The following IQCM variants were observed in gnomAD, a reference collection of about 807,000 sequenced individuals.
The protein encoded by IQCM is IQ motif containing M, also known as IQ domain-containing protein M.
A neutral mutation model predicts 57.6 loss-of-function variants in IQCM; 45 were observed. That is an observed-to-expected ratio of 0.78 (90% confidence interval 0.62 to 1.00). The LOEUF is 1.00. Ranked by LOEUF, IQCM falls within the 50% of genes least tolerant of loss-of-function variation. The pLI, the probability that IQCM is intolerant of heterozygous loss-of-function variation, is 0.00. For missense variants in IQCM, 468 were observed against 511.6 expected, an observed-to-expected ratio of 0.91 and a Z score of 0.82; for synonymous variants, 148 against 158.9, an observed-to-expected ratio of 0.93 and a Z score of 0.51.
intron 9 of IQCM, among the ~76,000 whole-genome samples, chr4:149,566,522 G>C (rs1354377647): frequency 6.6e-6 from 1 of 152,052 alleles, no homozygotes; most frequent in African/African-American, 2.4e-5. Flanking sequence ...GTACGAGAGA[G>C]AGAGAGAGAG....
chr4:149,506,278 C>T (rs1275731649), intron 12 of IQCM, among the ~76,000 whole-genome samples: 1 of 152,178 alleles, frequency 6.6e-6, no homozygotes, highest in East Asian at 1.9e-4. Context: ...ACTCATTAGC[C>T]TAACTAGTCC....
At chr4:149,557,074 C>G (rs531771027) in intron 10 of IQCM, among the ~76,000 whole-genome samples, 1 of 152,126 alleles carries the variant, frequency 6.6e-6, no homozygotes, top group Admixed American at 6.5e-5. Flanking sequence ...AATAGCAGCT[C>G]CTGATTGCCA....
intron 2 of IQCM, among the ~76,000 whole-genome samples, chr4:149,794,672 G>C (rs1035341610): frequency 6.6e-6 from 1 of 152,024 alleles, no homozygotes; most frequent in Non-Finnish European, 1.5e-5. Context: ...TTGTGGTGGT[G>C]GAGTGATTAG....
At chr4:149,609,032 T>A (rs1390120048) in intron 8 of IQCM, among the ~76,000 whole-genome samples, 2 of 150,906 alleles carry the variant, frequency 1.3e-5, no homozygotes, top group Non-Finnish European at 3.0e-5. Flanking sequence ...AAGACCCAAA[T>A]AAATAAAATG....
Position 149,368,793 on chromosome 4 carries a change from T to C in IQCM, c.1391-16727A>G, listed in dbSNP as rs371638334. Among the ~76,000 whole-genome samples, 2 of 109,626 alleles carry C rather than the reference T, an allele frequency of 1.8e-5. 1 individual carries two copies. Among genetic ancestry groups the C allele is most frequent in the East Asian group, 4.9e-4 (2 of 4,058 alleles). The allele number at this position is 109,626 out of a possible 152,430, so 71.9% of individuals were successfully genotyped here. On this transcript the variant is annotated intron_variant, in intron 13 of 13. Coordinates refer to ENST00000636793, the MANE Select transcript of IQCM (RefSeq NM_001363507.2). ...ATACATATATATACATGTATATATA[T>C]ACATATATATACATGTATATATATA...
chr4:149,788,804 C>T (rs904286277), intron 2 of IQCM, among the ~76,000 whole-genome samples: 4 of 152,130 alleles, frequency 2.6e-5, no homozygotes, highest in Non-Finnish European at 4.4e-5. Flanking sequence ...CAGCAGAATA[C>T]TATTCACCTT....
At chr4:149,514,259 C>G (rs779201093) in intron 12 of IQCM, among the ~76,000 whole-genome samples, 1 of 152,126 alleles carries the variant, frequency 6.6e-6, no homozygotes, top group Non-Finnish European at 1.5e-5. Flanking sequence ...TTCTTAATCA[C>G]GTGAAAATTT....
At chr4:149,442,955 G>C (rs7689209) in intron 12 of IQCM, among the ~76,000 whole-genome samples, 1,043 of 11,638 alleles carry the variant, frequency 0.09, 3 homozygotes, top group Non-Finnish European at 0.12. Context: ...CACACACACA[G>C]AGAGAGAGAG....
chr4:149,659,277 G>T (rs1759940117), intron 7 of IQCM, among the ~76,000 whole-genome samples: 1 of 151,936 alleles, frequency 6.6e-6, no homozygotes, highest in South Asian at 2.1e-4. Context: ...AACTTACAAG[G>T]GACGTGAAGG....
chr4:149,367,002 A>G (rs1342912175), intron 13 of IQCM, among the ~76,000 whole-genome samples: 2 of 152,030 alleles, frequency 1.3e-5, no homozygotes, highest in African/African-American at 2.4e-5. Flanking sequence ...CTGTCATTTA[A>G]TGTATTTAAT....
chr4:149,721,216 A>G (rs1246125000), intron 5 of IQCM, among the ~76,000 whole-genome samples: 1 of 152,200 alleles, frequency 6.6e-6, no homozygotes, highest in Non-Finnish European at 1.5e-5. Context: ...AAGTAATCTC[A>G]ATATGATTTA....
At chr4:149,450,938 C>T (rs1457216566) in intron 12 of IQCM, among the ~76,000 whole-genome samples, 2 of 151,794 alleles carry the variant, frequency 1.3e-5, no homozygotes, top group Admixed American at 6.6e-5. Flanking sequence ...GCACTGTTCA[C>T]AATAGCCAAA....
At chr4:149,785,523 AAT>A (rs1772000272) in intron 2 of IQCM, among the ~76,000 whole-genome samples, 2 of 152,192 alleles carry the variant, frequency 1.3e-5, no homozygotes, top group Non-Finnish European at 2.9e-5. Flanking sequence ...AAAGAAAAAT[AAT>A]ATAACCAACA....
At chr4:149,813,328 T>C (rs1245839247) in intron 2 of IQCM, among the ~76,000 whole-genome samples, 3 of 151,904 alleles carry the variant, frequency 2.0e-5, no homozygotes, top group African/African-American at 4.8e-5. Context: ...TGAACAAATG[T>C]ATCTAATGCA....
chr4:149,766,299 T>G (rs924055818), intron 2 of IQCM, among the ~76,000 whole-genome samples: 1 of 152,278 alleles, frequency 6.6e-6, no homozygotes, highest in East Asian at 1.9e-4. Context: ...TCTGTGTTCT[T>G]GGAAAATGTT....
At chr4:149,736,322 G>A (rs532526988) in intron 3 of IQCM, among the ~76,000 whole-genome samples, 1 of 152,194 alleles carries the variant, frequency 6.6e-6, no homozygotes, top group South Asian at 2.1e-4. Flanking sequence ...TTCTCATTCA[G>A]CCTTGTCTAA....
Position 149,382,701 on chromosome 4 carries a change from C to T in IQCM, c.1391-30635G>A, listed in dbSNP as rs1050098135. ...TCAGTGAGAAGAAAGGAAAAACCTC[C>T]TGCCGAATAGAAGGGAATAATCCCT... On this transcript the variant is annotated intron_variant, in intron 13 of 13. Transcript: ENST00000636793. 2.6e-4 allele frequency among the ~76,000 whole-genome samples: 39 copies of T among 152,182 alleles called. 1 individual carries two copies. Among genetic ancestry groups the T allele is most frequent in the Admixed American group, 2.5e-3 (38 of 15,274 alleles).
At chr4:149,414,860 C>T (rs184097510) in intron 13 of IQCM, among the ~76,000 whole-genome samples, 114 of 151,778 alleles carry the variant, frequency 7.5e-4, no homozygotes, top group African/African-American at 2.5e-3. Flanking sequence ...TTTTATAGGA[C>T]GATAAGTCAC....
intron 7 of IQCM, among the ~76,000 whole-genome samples, chr4:149,658,355 G>C (rs571371585): frequency 1.3e-5 from 2 of 151,660 alleles, no homozygotes; most frequent in African/African-American, 4.8e-5. Flanking sequence ...TGTTCCCTTG[G>C]TCTATGTGTT....
Sources: gnomAD v4.1 joint callset for allele counts (sites outside exome capture counted in the v4.1 genomes callset) on GRCh38, gnomAD v4.1.1 for gene constraint, MANE v1.5 for transcripts, NCBI Gene and HGNC (gene_info 2026-07-23, HGNC 2026-07-21) for gene names.